The following AGMAT variants were observed in gnomAD, a reference collection of about 807,000 sequenced individuals.
AGMAT encodes the protein agmatinase (putative), also known as guanidino acid hydrolase, mitochondrial.
AGMAT carries 37 observed loss-of-function variants against 29.3 expected under a neutral mutation model. The observed-to-expected ratio is 1.26, with a 90% CI of 0.97 to 1.66. AGMAT has a LOEUF of 1.66. Ranked by LOEUF, AGMAT falls within the 40% of genes most tolerant of loss-of-function variation. AGMAT has a pLI of 0.00. For synonymous variants in AGMAT, 199 were observed against 200.8 expected, an observed-to-expected ratio of 0.99 and a Z score of 0.08; for missense variants, 498 against 497.8, an observed-to-expected ratio of 1.00 and a Z score of 0.00.
At chr1:15,582,974 G>A (rs1409980705) in intron 2 of AGMAT, among the ~76,000 whole-genome samples, 1 of 152,130 alleles carries the variant, frequency 6.6e-6, no homozygotes, top group African/African-American at 2.4e-5. Context: ...CTCCAGTCTG[G>A]GTAACAGAGT....
rs768542408 is a variant in AGMAT at position 15,574,784 on chromosome 1, C to T, written c.958G>A (p.Glu320Lys). Residue 320 changes from glutamate (E) to lysine (K), a missense_variant, in exon 6 of 7, where the codon GAA becomes AAA. Transcript: ENST00000375826. ...GLNVMGCDLV[E>K]VSPPYDLSGN... ...GAAAGATCATACGGTGGTGAAACTTCGACAAGATCACAGCCCATCACGTTC... is the reference window on the plus strand; with the variant it reads ...GAAAGATCATACGGTGGTGAAACTTTGACAAGATCACAGCCCATCACGTTC... 1.2e-5 allele frequency: 20 copies of T among 1,613,810 alleles called. No homozygotes were observed. In the South Asian group the frequency reaches 1.8e-4, roughly 14 times the overall value.
intron 1 of AGMAT, among the ~76,000 whole-genome samples, chr1:15,583,596 C>T (rs1639145715): frequency 1.3e-5 from 2 of 152,204 alleles, no homozygotes; most frequent in South Asian, 2.1e-4. Flanking sequence ...CAACCCAAAA[C>T]GCCTCCAGAT....
rs1410574477 is a variant in AGMAT, at chr1:15,583,399, C to T, written c.273-4G>A. On this transcript the variant is annotated splice_polypyrimidine_tract_variant and splice_region_variant and intron_variant, in intron 1 of 6. Transcript: ENST00000375826. ...CCGGATGCGGCGAGGTCCGAATCTG[C>T]AGAAGGAAGAATCATCCTGTCAGCC... is the stretch of plus-strand genomic sequence containing the variant. 6.2e-7 allele frequency: 1 copy of T among 1,610,562 alleles called. No individual in the cohort carries two copies. The highest frequency in any genetic ancestry group is 2.2e-5 in the East Asian group (1 of 44,772).
chr1:15,577,885 G>T (rs1400151194), intron 4 of AGMAT, 21 bp from the exon 5 acceptor site: 2 of 1,608,208 alleles, frequency 1.2e-6, no homozygotes, highest in Non-Finnish European at 1.7e-6. Context: ...AGGGACTGAG[G>T]TTTCTGTCTG....
chr1:15,575,003 A>G (rs1639016806), intron 5 of AGMAT, 162 bp from the exon 6 acceptor site: 3 of 584,072 alleles, frequency 5.1e-6, no homozygotes, highest in East Asian at 6.1e-5. Flanking sequence ...TCCCAGAGAA[A>G]CAGATAATGC....
In AGMAT at chr1:15,584,728, C is replaced by T; in HGVS notation, c.240G>A (p.Leu80=). ...GLDAAFIGVP[L]DTGTSNRPGA... The stretch of plus-strand genomic sequence containing the variant: ...CAGGCCGGTTGGAGGTCCCAGTATC[C>T]AGGGGCACCCCGATGAAGGCAGCGT... The change falls in exon 1 of 7, where the codon CTG becomes CTA. Residue 80 remains leucine, a synonymous_variant. Transcript: ENST00000375826. The T allele has an allele frequency of 7.4e-7, 1 of 1,345,392 alleles. No homozygotes were observed. 83.3% of individuals were successfully genotyped at this position (1,345,392 alleles called of 1,614,324 possible). A position where few individuals can be genotyped will look rare whatever the true frequency, so the allele number is the denominator to read the frequency against.
At position 15,577,765 on chromosome 1, in the gene AGMAT, T is replaced by C. The variant is rs773741199; in HGVS notation, c.820A>G (p.Ser274Gly). 4 of 1,614,006 alleles carry C rather than the reference T, an allele frequency of 2.5e-6. No homozygotes were observed. The highest frequency in any genetic ancestry group is 3.4e-6 in the Non-Finnish European group (4 of 1,180,024). ...QQMGGKPIYISFDIDALDPAY... is the reference protein window; with the variant it reads ...QQMGGKPIYIGFDIDALDPAY... The stretch of plus-strand genomic sequence containing the variant: ...GGATCCAGAGCGTCAATATCAAAGC[T>C]GATATAAATGGGTTTGCCTCCCATC... The change falls in exon 5 of 7, where the codon AGC becomes GGC. Residue 274 changes from serine to glycine, a missense_variant. Coordinates refer to ENST00000375826, the MANE Select transcript of AGMAT (RefSeq NM_024758.5).
intron 5 of AGMAT, among the ~76,000 whole-genome samples, chr1:15,576,708 G>A (rs566035353): frequency 2.8e-5 from 4 of 141,208 alleles, no homozygotes; most frequent in East Asian, 2.3e-4. Context: ...GATTCCAGGC[G>A]TGAGCCACGA....
At chr1:15,583,118 A>G in intron 2 of AGMAT, 75 bp downstream of exon 2, 2 of 1,351,460 alleles carry the variant, frequency 1.5e-6, no homozygotes, top group Non-Finnish European at 2.0e-6. Context: ...AAGTAGCTGT[A>G]CTCAAGCCCC....
intron 2 of AGMAT, among the ~76,000 whole-genome samples, chr1:15,580,748 G>C (rs982852029): frequency 1.3e-5 from 2 of 151,668 alleles, no homozygotes; most frequent in African/African-American, 4.8e-5. Context: ...GGCCAAGGCG[G>C]GCAGGTCACC....
intron 3 of AGMAT, 114 bp from the exon 4 acceptor site, chr1:15,579,168 C>T: frequency 1.0e-6 from 1 of 988,656 alleles, no homozygotes; most frequent in Non-Finnish European, 1.5e-6. Flanking sequence ...GGAGACCTGG[C>T]ATCCGTTTTC....
Position 15,584,982 on chromosome 1 carries a change from A to G in AGMAT, c.-15T>C. 7.6e-7 allele frequency: 1 copy of G among 1,309,040 alleles called. No homozygotes were observed. The highest frequency in any genetic ancestry group is 9.7e-7 in the Non-Finnish European group (1 of 1,035,574). 81.1% of individuals were successfully genotyped at this position (1,309,040 alleles called of 1,614,324 possible). A position where few individuals can be genotyped will look rare whatever the true frequency, so the allele number is the denominator to read the frequency against. ...AGCCTCAGCATTGCCGCGCGCGGCCAAGACCTCACCGACCAAACCGCCCGC... is the reference window on the plus strand; with the variant it reads ...AGCCTCAGCATTGCCGCGCGCGGCCGAGACCTCACCGACCAAACCGCCCGC... On this transcript the variant is annotated 5_prime_UTR_variant, in exon 1 of 7. Transcript: ENST00000375826.
At chr1:15,579,663 G>A (rs111433696) in intron 3 of AGMAT, among the ~76,000 whole-genome samples, 2 of 152,136 alleles carry the variant, frequency 1.3e-5, no homozygotes, top group Non-Finnish European at 2.9e-5. Context: ...TCCACTACTG[G>A]CAAATCAGTC....
At chr1:15,580,356 C>G (rs1351688774) in intron 2 of AGMAT, among the ~76,000 whole-genome samples, 1 of 151,748 alleles carries the variant, frequency 6.6e-6, no homozygotes, top group Non-Finnish European at 1.5e-5. Context: ...CAGGTGTGTA[C>G]CACCATACCT....
At chr1:15,574,923 G>A (rs960592139) in intron 5 of AGMAT, 82 bp from the exon 6 acceptor site, 11 of 1,093,450 alleles carry the variant, frequency 1.0e-5, no homozygotes, top group East Asian at 9.8e-5. Context: ...CCCAGCCCAC[G>A]CCACCCTTTG....
chr1:15,581,098 C>T (rs965452656), intron 2 of AGMAT, among the ~76,000 whole-genome samples: 11 of 152,070 alleles, frequency 7.2e-5, no homozygotes, highest in Non-Finnish European at 1.6e-4. Context: ...CGCAGTGGCT[C>T]ACACCTTGGG....
Position 15,573,652 on chromosome 1 carries a change from C to CA in AGMAT, c.1057dup (p.Ter353LeufsTer29). The CA allele has an allele frequency of 6.2e-7, 1 of 1,614,160 alleles. No homozygotes were observed. The highest frequency in any genetic ancestry group is 1.1e-5 in the South Asian group (1 of 91,088). On this transcript the variant is annotated frameshift_variant and stop_lost, in exon 7 of 7. Transcript: ENST00000375826. LOFTEE classifies it high-confidence loss of function. ...GTTTTGTCTTGAAGAGCACAAGACT[C>CA]AGACGGTTGTCACTTTGGGGAGAGC...
intron 4 of AGMAT, 21 bp downstream of exon 4, chr1:15,578,838 G>T (rs779379384): frequency 1.9e-6 from 3 of 1,610,766 alleles, no homozygotes; most frequent in South Asian, 1.1e-5. Flanking sequence ...GGGCAAGGGT[G>T]GGGGGCATTC....
At position 15,583,327 on chromosome 1, in the gene AGMAT, A is replaced by G. The variant is rs772742125; in HGVS notation, c.341T>C (p.Leu114Pro). The stretch of plus-strand genomic sequence containing the variant: ...TGCAACCATGAGGGACTGGAAGGGG[A>G]GGGCCCCCGTGCTAGGATTGACTGT... ...LGTVNPSTGA[L>P]PFQSLMVADL... Residue 114 changes from leucine (L) to proline (P), a missense_variant, in exon 2 of 7, where the codon CTC becomes CCC. Transcript: ENST00000375826. The G allele has an allele frequency of 7.2e-5, 117 of 1,614,092 alleles. No homozygotes were observed. The highest frequency in any genetic ancestry group is 9.6e-5 in the Non-Finnish European group (113 of 1,180,008).
Sources: allele counts gnomAD v4.1 joint callset (sites outside exome capture counted in the v4.1 genomes callset), GRCh38; gene constraint gnomAD v4.1.1; transcripts MANE v1.5; gene names NCBI Gene and HGNC (gene_info 2026-07-23, HGNC 2026-07-21).